The following ROBO2 variants were observed in gnomAD, a reference collection of about 807,000 sequenced individuals.
The protein encoded by ROBO2 is roundabout homolog 2.
Under a neutral mutation model 160.8 loss-of-function variants are expected in ROBO2, and 53 were observed. The observed-to-expected ratio is 0.33, with a 90% confidence interval of 0.26 to 0.41. The LOEUF is 0.41. Among genes scored for constraint, ROBO2 ranks in the 10% least tolerant of loss-of-function variants. The pLI, the probability that ROBO2 is intolerant of heterozygous loss-of-function variation, is 1.00. For missense variants in ROBO2, 1,577 were observed against 1,722.4 expected (o/e 0.92, Z 1.49); for synonymous variants, 664 against 611.7 (o/e 1.09, Z -1.26).
chr3:77,384,620 C>T (rs1379715719), intron 2 of ROBO2, among the ~76,000 whole-genome samples: 3 of 152,118 alleles, frequency 2.0e-5, no homozygotes, highest in Admixed American at 1.3e-4. Context: ...GCCCTCTACC[C>T]AGTACTTTGC....
At chr3:76,902,927 T>C (rs904736931) in intron 2 of ROBO2, among the ~76,000 whole-genome samples, 5 of 151,980 alleles carry the variant, frequency 3.3e-5, no homozygotes, top group African/African-American at 9.7e-5. Context: ...CTTGTTTTAA[T>C]TGATATGTTT....
At chr3:76,052,234 T>C (rs184022846) in intron 2 of ROBO2, among the ~76,000 whole-genome samples, 21 of 152,160 alleles carry the variant, frequency 1.4e-4, no homozygotes, top group African/African-American at 5.1e-4. Context: ...CCAATTCTGT[T>C]TAAAATTAAG....
At chr3:77,614,986 T>C (rs2094737948) in intron 21 of ROBO2, among the ~76,000 whole-genome samples, 1 of 152,120 alleles carries the variant, frequency 6.6e-6, no homozygotes, top group African/African-American at 2.4e-5. Context: ...TTGTTTAAAA[T>C]GTTCCTTTTA....
At chr3:76,244,721 A>G (rs1705512131) in intron 2 of ROBO2, among the ~76,000 whole-genome samples, 1 of 152,228 alleles carries the variant, frequency 6.6e-6, no homozygotes, top group Non-Finnish European at 1.5e-5. Flanking sequence ...AGGCAAAAAG[A>G]AAAGTATGGT....
At chr3:76,522,138 T>C (rs2081658167) in intron 2 of ROBO2, among the ~76,000 whole-genome samples, 2 of 152,170 alleles carry the variant, frequency 1.3e-5, no homozygotes, top group Admixed American at 1.3e-4. Flanking sequence ...TGTTTTTCCC[T>C]CTGTATCCAG....
intron 2 of ROBO2, among the ~76,000 whole-genome samples, chr3:76,566,363 C>T (rs565179893): frequency 3.3e-5 from 5 of 152,272 alleles, no homozygotes; most frequent in Admixed American, 6.5e-5. Context: ...ACCCCAGAGG[C>T]CTTACGGTCT....
At chr3:77,438,503 G>T (rs930409393) in intron 2 of ROBO2, among the ~76,000 whole-genome samples, 1 of 151,390 alleles carries the variant, frequency 6.6e-6, no homozygotes, top group African/African-American at 2.4e-5. Flanking sequence ...TGAAAAGTGA[G>T]TATCTGAAAA....
intron 2 of ROBO2, among the ~76,000 whole-genome samples, chr3:77,356,011 C>T (rs977247511): frequency 1.3e-5 from 2 of 151,894 alleles, no homozygotes; most frequent in African/African-American, 2.4e-5. Context: ...TGCTTATTCT[C>T]GTTACTTTTT....
rs566725786 is a variant in ROBO2, at chr3:77,270,815, C to T, written c.388+172475C>T. ...AAAAGTAGCTGTGCATGGTGGCTTG[C>T]GCCTGTAGTCCCAGCTACTCGGGAG... On this transcript the variant is annotated intron_variant, in intron 2 of 25. Transcript: ENST00000461745. Among the ~76,000 whole-genome samples, 132 of 152,078 alleles carry T rather than the reference C, an allele frequency of 8.7e-4. 1 individual carries two copies. Among genetic ancestry groups the T allele is most frequent in the African/African-American group, 2.9e-3 (122 of 41,478 alleles).
At chr3:76,479,322 CTGTGCTTTTA>C (rs2079093494) in intron 2 of ROBO2, among the ~76,000 whole-genome samples, 1 of 152,114 alleles carries the variant, frequency 6.6e-6, no homozygotes, top group Admixed American at 6.6e-5. Flanking sequence ...TTTAAAATGG[CTGTGCTTTTA>C]TGTGTTTGGA....
intron 2 of ROBO2, among the ~76,000 whole-genome samples, chr3:77,362,747 T>G (rs7616635): frequency 7.9e-5 from 12 of 152,034 alleles, no homozygotes; most frequent in African/African-American, 2.9e-4. Flanking sequence ...AGAGGATTAA[T>G]TGACTCCCAG....
At chr3:77,280,288 T>C (rs541008889) in intron 2 of ROBO2, among the ~76,000 whole-genome samples, 1 of 152,368 alleles carries the variant, frequency 6.6e-6, no homozygotes, top group East Asian at 1.9e-4. Flanking sequence ...CCTTGATGAA[T>C]TCCTACAGTA....
At chr3:77,146,772 G>A (rs1219568518) in intron 2 of ROBO2, among the ~76,000 whole-genome samples, 3 of 152,088 alleles carry the variant, frequency 2.0e-5, no homozygotes, top group Non-Finnish European at 4.4e-5. Context: ...TTCAAGACCA[G>A]CCTGGCCAAA....
chr3:76,357,063 G>T (rs2075214231), intron 2 of ROBO2, among the ~76,000 whole-genome samples: 1 of 151,740 alleles, frequency 6.6e-6, no homozygotes, highest in Non-Finnish European at 1.5e-5. Context: ...AAAAGGCAGA[G>T]AAATGAAAGA....
chr3:76,741,755 T>A (rs1370855135), intron 2 of ROBO2, among the ~76,000 whole-genome samples: 3 of 152,112 alleles, frequency 2.0e-5, no homozygotes, highest in African/African-American at 7.2e-5. Context: ...AAAGATTAAA[T>A]AACTGTATAA....
chr3:76,632,564 A>C, intron 2 of ROBO2, among the ~76,000 whole-genome samples: 1 of 152,192 alleles, frequency 6.6e-6, no homozygotes, highest in East Asian at 1.9e-4. Context: ...TCATCAAAGA[A>C]AGGAAAAGTA....
At chr3:76,827,089 AGAG>A (rs1234506352) in intron 2 of ROBO2, among the ~76,000 whole-genome samples, 2 of 152,188 alleles carry the variant, frequency 1.3e-5, no homozygotes, top group African/African-American at 4.8e-5. Flanking sequence ...TTTGCGAGGT[AGAG>A]TTGCATTGGT....
At chr3:77,638,817 GC>G (rs1347075753) in intron 24 of ROBO2, among the ~76,000 whole-genome samples, 2 of 102,336 alleles carry the variant, frequency 2.0e-5, no homozygotes, top group African/African-American at 7.6e-5. Flanking sequence ...CTTTCACCTA[GC>G]TTTTTTTTTT....
intron 2 of ROBO2, among the ~76,000 whole-genome samples, chr3:76,362,847 A>G (rs1197320492): frequency 2.0e-5 from 3 of 151,992 alleles, no homozygotes; most frequent in Non-Finnish European, 2.9e-5. Flanking sequence ...CATCTTTTGC[A>G]AGAGGGCTGC....
Sources: gnomAD v4.1 joint callset for allele counts (sites outside exome capture counted in the v4.1 genomes callset) on GRCh38, gnomAD v4.1.1 for gene constraint, MANE v1.5 for transcripts, NCBI Gene and HGNC (gene_info 2026-07-23, HGNC 2026-07-21) for gene names.